Variants in NEBL observed in about 807,000 individuals in gnomAD.
NEBL encodes LIM and SH3 protein 2.
Under a neutral mutation model 140.2 loss-of-function variants are expected in NEBL, and 122 were observed. That is an observed-to-expected ratio of 0.87 (90% CI 0.75 to 1.01). NEBL has a LOEUF of 1.01. Ranked by LOEUF, NEBL falls within the 50% of genes least tolerant of loss-of-function variation. The pLI is 0.00. For synonymous variants in NEBL, 436 were observed against 398.9 expected, an observed-to-expected ratio of 1.09 and a Z score of -1.11; for missense variants, 1,365 against 1,231.3, an observed-to-expected ratio of 1.11 and a Z score of -1.62.
In NEBL at chr10:20,828,616, C is replaced by T; in HGVS notation, c.1690G>A (p.Ala564Thr). 1 of 1,577,668 alleles carries T rather than the reference C, an allele frequency of 6.3e-7. No homozygotes were observed. Among genetic ancestry groups the T allele is most frequent in the Non-Finnish European group, 8.7e-7 (1 of 1,147,536 alleles). ...GAATAGTTAGAAAGCATCTTCTCTG[C>T]TTCATCTTTATACTTTCTCTAAAAA... ...IYSQRKYKDE[A>T]EKMLSNYSTI... The change falls in exon 17 of 28, where the codon GCA becomes ACA. Residue 564 changes from alanine to threonine, a missense_variant. Physicochemically the swap from Ala to Thr is moderately conservative, Grantham distance 58. Transcript: ENST00000377122.
chr10:20,887,606 C>T (rs1846645774), intron 4 of NEBL, among the ~76,000 whole-genome samples: 1 of 151,782 alleles, frequency 6.6e-6, no homozygotes, highest in African/African-American at 2.4e-5. Context: ...TGGTAGAGAC[C>T]AGCTTTTGCC....
chr10:20,929,151 A>G (rs1175972862), intron 4 of NEBL, among the ~76,000 whole-genome samples: 2 of 152,168 alleles, frequency 1.3e-5, no homozygotes, highest in Admixed American at 6.5e-5. Context: ...TATCAAAAAT[A>G]TATCTGCACT....
chr10:20,897,168 G>A lies in NEBL; in HGVS notation c.38C>T (p.Thr13Ile), dbSNP rs756071943. The A allele has an allele frequency of 1.9e-6, 3 of 1,606,460 alleles. No individual in the cohort carries two copies. Among genetic ancestry groups the A allele is most frequent in the Middle Eastern group, 1.7e-4 (1 of 6,034 alleles). Reference protein sequence around the residue: ...VPVFEDIKDETEEEKIGEEEN... With the variant: ...VPVFEDIKDEIEEEKIGEEEN... Reference sequence around the variant, plus strand: ...TTCTTCCCCTATCTTTTCTTCTTCAGTTTCATCTTTTATATCCTCAAATAC... The same window carrying A: ...TTCTTCCCCTATCTTTTCTTCTTCAATTTCATCTTTTATATCCTCAAATAC... The change falls in exon 1 of 28, where the codon ACT (threonine) becomes ATT (isoleucine). Residue 13 changes from threonine (T) to isoleucine (I), a missense_variant. Coordinates refer to ENST00000377122, the MANE Select transcript of NEBL (RefSeq NM_006393.3).
chr10:20,823,102 G>C, intron 19 of NEBL, 106 bp downstream of exon 19: 1 of 803,028 alleles, frequency 1.2e-6, no homozygotes, highest in South Asian at 1.6e-5. Flanking sequence ...CGATCCTCTC[G>C]CAATGAGGTT....
chr10:20,877,801 A>G (rs997635046), intron 5 of NEBL, among the ~76,000 whole-genome samples: 1 of 152,202 alleles, frequency 6.6e-6, no homozygotes, highest in African/African-American at 2.4e-5. Context: ...TATGTAAATC[A>G]GAAACCGACT....
In NEBL at chr10:20,929,443, T is replaced by A. The variant is rs72481156; in HGVS notation, c.357+32229A>T. Among the ~76,000 whole-genome samples, 312 of 152,252 alleles carry A rather than the reference T, an allele frequency of 2.0e-3. 9 individuals are homozygous for A. The East Asian group carries it at 0.052, about 25-fold the overall frequency. Reference sequence around the variant, plus strand: ...AGGACAAAAGTTGAAAATTGTAACCTCAGCAATCCCTAACTTTGAGGACTT... The same window carrying A: ...AGGACAAAAGTTGAAAATTGTAACCACAGCAATCCCTAACTTTGAGGACTT... On this transcript the variant is annotated intron_variant, in intron 4 of 6. Transcript: ENST00000417816.
At chr10:21,145,414 C>A (rs1839846083) in intron 2 of NEBL, among the ~76,000 whole-genome samples, 1 of 152,120 alleles carries the variant, frequency 6.6e-6, no homozygotes, top group Admixed American at 6.5e-5. Flanking sequence ...TATAGGATAT[C>A]AAAATGCCAT....
intron 2 of NEBL, among the ~76,000 whole-genome samples, chr10:21,042,435 A>G (rs1328903557): frequency 6.6e-6 from 1 of 152,260 alleles, no homozygotes; most frequent in Non-Finnish European, 1.5e-5. Context: ...ATTAAAAATT[A>G]AATTGTATCA....
upstream of NEBL, chr10:20,899,551 A>G: frequency 1.8e-6 from 1 of 548,984 alleles, no homozygotes; most frequent in Non-Finnish European, 2.8e-6. Flanking sequence ...TTGAGATTCT[A>G]GAATCAGAAT....
At chr10:21,059,138 C>T (rs973542889) in intron 2 of NEBL, among the ~76,000 whole-genome samples, 3 of 152,234 alleles carry the variant, frequency 2.0e-5, no homozygotes, top group Non-Finnish European at 4.4e-5. Flanking sequence ...CCACCCCCAG[C>T]AGTCGGGGTG....
Position 20,959,716 on chromosome 10 carries a change from A to T in NEBL, c.357+1956T>A, listed in dbSNP as rs1039052094. Among the ~76,000 whole-genome samples, 3 of 152,082 alleles carry T rather than the reference A, an allele frequency of 2.0e-5. No homozygotes were observed. In the East Asian group the frequency reaches 5.8e-4, roughly 29 times the overall value. On this transcript the variant is annotated intron_variant, in intron 4 of 6. Transcript: ENST00000417816. ...GCTATCCAAACATTTAATATGCCTC[A>T]TATTGGCTAAGAGAACTACTTATAA...
At chr10:21,289,719 T>G (rs1843117030) in intron 1 of NEBL, among the ~76,000 whole-genome samples, 1 of 152,176 alleles carries the variant, frequency 6.6e-6, no homozygotes, top group African/African-American at 2.4e-5. Flanking sequence ...TGAATGATGA[T>G]ACAGACCCTT....
chr10:20,998,732 C>T (rs1470738041), intron 3 of NEBL, among the ~76,000 whole-genome samples: 1 of 152,204 alleles, frequency 6.6e-6, no homozygotes, highest in Admixed American at 6.5e-5. Flanking sequence ...ATCCAACTGG[C>T]ATTGCTTTGA....
chr10:20,983,637 C>A (rs1413588670), intron 3 of NEBL, among the ~76,000 whole-genome samples: 1 of 152,172 alleles, frequency 6.6e-6, no homozygotes. Context: ...GTGTACAAGG[C>A]AAAGAGAAAT....
intron 4 of NEBL, among the ~76,000 whole-genome samples, chr10:20,951,348 A>C (rs1380631969): frequency 1.3e-5 from 2 of 151,988 alleles, no homozygotes; most frequent in South Asian, 2.1e-4. Context: ...CAGGCCTGAC[A>C]ACCATGAATG....
In NEBL at chr10:21,288,737, G is replaced by A. The variant is rs1384845472; in HGVS notation, n.182+4093C>T. Among the ~76,000 whole-genome samples the A allele has an allele frequency of 3.9e-5, 5 of 126,890 alleles. No homozygotes were observed. The South Asian group carries it at 1.4e-3, about 37-fold the overall frequency. 83.2% of individuals were successfully genotyped at this position (126,890 alleles called of 152,430 possible). ...CTCATTCCACTGCACTCTAGCCTGGGCGACAGAGCGAGACTCCATCGCCAA... is the reference window on the plus strand; with the variant it reads ...CTCATTCCACTGCACTCTAGCCTGGACGACAGAGCGAGACTCCATCGCCAA... On this transcript the variant is annotated intron_variant and non_coding_transcript_variant, in intron 1 of 8. Transcript: ENST00000675702.
intron 4 of NEBL, among the ~76,000 whole-genome samples, chr10:20,939,542 C>A (rs545031398): frequency 2.0e-5 from 3 of 152,128 alleles, no homozygotes; most frequent in Non-Finnish European, 4.4e-5. Flanking sequence ...AGCAAAATAA[C>A]CAACTAACAT....
chr10:20,956,441 A>G (rs978207458), intron 4 of NEBL, among the ~76,000 whole-genome samples: 1 of 152,154 alleles, frequency 6.6e-6, no homozygotes, highest in Non-Finnish European at 1.5e-5. Context: ...TTCATCAGTT[A>G]TTGGTTGAGA....
chr10:20,843,996 C>G (rs1218219084), intron 12 of NEBL, among the ~76,000 whole-genome samples: 1 of 152,084 alleles, frequency 6.6e-6, no homozygotes, highest in African/African-American at 2.4e-5. Flanking sequence ...CTCTAATACC[C>G]ACAGCTCTAC....
Sources: gnomAD v4.1 joint callset for allele counts (sites outside exome capture counted in the v4.1 genomes callset) on GRCh38, gnomAD v4.1.1 for gene constraint, MANE v1.5 for transcripts, NCBI Gene and HGNC (gene_info 2026-07-23, HGNC 2026-07-21) for gene names.